PTPRN2: variants seen among roughly 807,000 people sequenced by gnomAD.
PTPRN2 encodes the protein protein tyrosine phosphatase receptor type N2.
In PTPRN2, 74 loss-of-function variants were observed where a neutral mutation model predicts 118.8. The observed-to-expected ratio is 0.62, with a 90% CI of 0.52 to 0.76. The LOEUF is 0.76. Ranked by LOEUF, PTPRN2 falls within the 30% of genes least tolerant of loss-of-function variation. The probability of loss-of-function intolerance (pLI) is 0.00; values close to 1 mark genes in which losing one functional copy is unlikely to be tolerated. For synonymous variants in PTPRN2, 641 were observed against 608.0 expected (o/e 1.05, Z -0.80); for missense variants, 1,481 against 1,394.4 (o/e 1.06, Z -0.99).
intron 5 of PTPRN2, among the ~76,000 whole-genome samples, chr7:158,173,196 C>T (rs77957172): frequency 0.021 from 3,121 of 152,088 alleles, 93 homozygotes; most frequent in African/African-American, 0.071. Context: ...CAGCATCATC[C>T]CACCATCAAT....
chr7:158,312,297 CAT>C (rs371488923), intron 3 of PTPRN2, among the ~76,000 whole-genome samples: 2,492 of 66,668 alleles, frequency 0.037, 80 homozygotes, highest in African/African-American at 0.11. Flanking sequence ...CATGCACACA[CAT>C]GTGCTCACAC....
At chr7:158,053,612 T>G (rs1563365530) in intron 11 of PTPRN2, among the ~76,000 whole-genome samples, 1 of 152,128 alleles carries the variant, frequency 6.6e-6, no homozygotes, top group Non-Finnish European at 1.5e-5. Flanking sequence ...TTTAATGTGG[T>G]AAAAGGAGAT....
intron 12 of PTPRN2, among the ~76,000 whole-genome samples, chr7:157,829,837 T>C (rs923419626): frequency 1.2e-4 from 18 of 152,248 alleles, no homozygotes; most frequent in African/African-American, 4.1e-4. Flanking sequence ...CGTTTGTCCC[T>C]GGGCAAACTC....
intron 11 of PTPRN2, among the ~76,000 whole-genome samples, chr7:158,079,762 A>C (rs1812652365): frequency 6.6e-6 from 1 of 152,198 alleles, no homozygotes; most frequent in Non-Finnish European, 1.5e-5. Context: ...GAGGCACTGA[A>C]GCCGTTGTTG....
At chr7:158,422,318 T>C (rs1563274617) in intron 2 of PTPRN2, among the ~76,000 whole-genome samples, 1 of 152,194 alleles carries the variant, frequency 6.6e-6, no homozygotes, top group Non-Finnish European at 1.5e-5. Flanking sequence ...TTTGGCCAGC[T>C]TGGTTGGGGA....
intron 1 of PTPRN2, chr7:158,541,796 G>T: frequency 1.1e-6 from 1 of 949,042 alleles, no homozygotes; most frequent in Non-Finnish European, 1.3e-6. Flanking sequence ...AGGAGAAGGG[G>T]CCAAGGCCGC....
chr7:158,306,872 T>TTTTTTTTTTTTTTTTTG (rs1563112149), intron 3 of PTPRN2, among the ~76,000 whole-genome samples: 2 of 124,178 alleles, frequency 1.6e-5, no homozygotes, highest in African/African-American at 3.1e-5. Flanking sequence ...TTTTTTTTTT[T>TTTTTTTTTTTTTTTTTG]TTTTTTTTTT....
chr7:157,555,883 T>C (rs1422321171), intron 21 of PTPRN2, among the ~76,000 whole-genome samples: 1 of 152,202 alleles, frequency 6.6e-6, no homozygotes, highest in Non-Finnish European at 1.5e-5. Context: ...AGTGGAACAG[T>C]TCCCGTGCCC....
intron 13 of PTPRN2, among the ~76,000 whole-genome samples, chr7:157,657,889 A>T (rs1231271091): frequency 7.5e-6 from 1 of 133,396 alleles, no homozygotes; most frequent in Admixed American, 8.0e-5. Flanking sequence ...CACACACACC[A>T]CACACATCAC....
At chr7:158,323,246 C>T (rs1248746209) in intron 2 of PTPRN2, among the ~76,000 whole-genome samples, 1 of 152,204 alleles carries the variant, frequency 6.6e-6, no homozygotes, top group Non-Finnish European at 1.5e-5. Flanking sequence ...GGGCCTCACA[C>T]CCCCAGAGTT....
intron 10 of PTPRN2, among the ~76,000 whole-genome samples, chr7:158,087,802 AC>A (rs758611412): frequency 1.6e-5 from 2 of 121,254 alleles, no homozygotes; most frequent in African/African-American, 5.6e-5. Flanking sequence ...CTTCACACAA[AC>A]CCTTCCTCCC....
In PTPRN2 at chr7:157,801,349, G is replaced by T. The variant is rs1436176252; in HGVS notation, c.1788+97324C>A. ...TGAACGGCCTCATCCACGGAGCACT[G>T]CTTTGCCGTCTCCAGAAAGAGCTGT... On this transcript the variant is annotated intron_variant, in intron 12 of 22. Coordinates refer to ENST00000389418, the MANE Select transcript of PTPRN2 (RefSeq NM_002847.5). This position sits in a 1 kb window ranked among gnomAD's most constrained non-coding sequence, Gnocchi z 4.2. 6.6e-6 allele frequency among the ~76,000 whole-genome samples: 1 copy of T among 152,192 alleles called. No individual in the cohort carries two copies. The highest frequency in any genetic ancestry group is 1.5e-5 in the Non-Finnish European group (1 of 68,034).
Position 157,877,875 on chromosome 7 carries a change from AC to A in PTPRN2, c.1788+20797del, listed in dbSNP as rs200728564. On this transcript the variant is annotated intron_variant, in intron 12 of 22. Transcript: ENST00000389418. ...AACATCCCACGATCAGCTCTGCTTGACCGGGGAGAAGAGGAACAGGAAATAT... is the reference window on the plus strand; with the variant it reads ...AACATCCCACGATCAGCTCTGCTTGACGGGGAGAAGAGGAACAGGAAATAT... Among the ~76,000 whole-genome samples the A allele has an allele frequency of 9.0e-3, 1,375 of 152,294 alleles. 25 individuals are homozygous for A. Among genetic ancestry groups the A allele is most frequent in the African/African-American group, 0.031 (1,301 of 41,566 alleles).
At chr7:158,304,627 C>T (rs1013428070) in intron 3 of PTPRN2, among the ~76,000 whole-genome samples, 2 of 152,248 alleles carry the variant, frequency 1.3e-5, no homozygotes, top group Admixed American at 1.3e-4. Flanking sequence ...TGGGAAAACA[C>T]TAAGCAGGGT....
rs547746878 is a variant in PTPRN2, at chr7:158,186,727, G to A, written c.549+5600C>T. 6.4e-3 allele frequency among the ~76,000 whole-genome samples: 979 copies of A among 152,290 alleles called. 7 individuals are homozygous for A. The highest frequency in any genetic ancestry group is 0.011 in the Non-Finnish European group (752 of 68,026). ...CTGGGCCACCTGCCCCCTCTGGCATGAGTGCACCTTTACTTTCTGTGTTCC... is the reference window on the plus strand; with the variant it reads ...CTGGGCCACCTGCCCCCTCTGGCATAAGTGCACCTTTACTTTCTGTGTTCC... On this transcript the variant is annotated intron_variant, in intron 5 of 22. Coordinates refer to ENST00000389418, the MANE Select transcript of PTPRN2 (RefSeq NM_002847.5).
chr7:158,395,736 G>C (rs1235675510), intron 2 of PTPRN2, among the ~76,000 whole-genome samples: 2 of 42,642 alleles, frequency 4.7e-5, no homozygotes, highest in African/African-American at 9.8e-5. Flanking sequence ...AGGGGAGAGG[G>C]GAGAGGGGCG....
chr7:157,784,432 A>T lies in PTPRN2; in HGVS notation c.1789-101495T>A, dbSNP rs1803888556. ...ATGCCGACCTGCAGCAGCGCCCACA[A>T]GGCTCAGGGCTGGGTCCAGCCTCAC... On this transcript the variant is annotated intron_variant, in intron 12 of 22. Transcript: ENST00000389418. The surrounding 1 kb of genome is among the most constrained non-coding windows in gnomAD (Gnocchi z 4.6). Among the ~76,000 whole-genome samples, 1 of 152,126 alleles carries T rather than the reference A, an allele frequency of 6.6e-6. No homozygotes were observed. The highest frequency in any genetic ancestry group is 1.5e-5 in the Non-Finnish European group (1 of 68,020).
Position 157,922,015 on chromosome 7 carries a change from C to T in PTPRN2, c.1724-23278G>A, listed in dbSNP as rs535762312. Reference sequence around the variant, plus strand: ...GCTCTATTTTTCTGTAAATGTAAAACTGCACTAAACATAAAATCTACTAAA... The same window carrying T: ...GCTCTATTTTTCTGTAAATGTAAAATTGCACTAAACATAAAATCTACTAAA... On this transcript the variant is annotated intron_variant, in intron 11 of 22. Coordinates refer to ENST00000389418, the MANE Select transcript of PTPRN2 (RefSeq NM_002847.5). Among the ~76,000 whole-genome samples, 13 of 152,234 alleles carry T rather than the reference C, an allele frequency of 8.5e-5. No homozygotes were observed. In the South Asian group the frequency reaches 2.7e-3, roughly 32 times the overall value.
chr7:158,283,230 G>A (rs1799547902), intron 3 of PTPRN2, among the ~76,000 whole-genome samples: 1 of 152,256 alleles, frequency 6.6e-6, no homozygotes, highest in Admixed American at 6.5e-5. Context: ...ACTTCAGTCA[G>A]GCGGCAGCCG....
Sources: gnomAD v4.1 joint callset for allele counts (sites outside exome capture counted in the v4.1 genomes callset) on GRCh38, gnomAD v4.1.1 for gene constraint, Gnocchi (gnomAD v3.1) non-coding constraint, MANE v1.5 for transcripts, NCBI Gene and HGNC (gene_info 2026-07-23, HGNC 2026-07-21) for gene names.